The following WRN variants were observed in gnomAD, a reference collection of about 807,000 sequenced individuals.
WRN encodes the protein bifunctional 3'-5' exonuclease/ATP-dependent helicase WRN.
WRN carries 149 observed loss-of-function variants against 180.7 expected under a neutral mutation model. The observed-to-expected ratio is 0.82, with a 90% CI of 0.72 to 0.94. The LOEUF (loss-of-function observed/expected upper bound fraction) is 0.94, where lower values mean the gene tolerates loss of function less well. WRN is among the 40% of genes least tolerant of loss of function. The pLI is 0.00. For missense variants in WRN, 1,661 were observed against 1,700.1 expected (o/e 0.98, Z 0.40); for synonymous variants, 548 against 568.9 (o/e 0.96, Z 0.52).
At chr8:31,122,810 T>C (rs988937989) in intron 21 of WRN, among the ~76,000 whole-genome samples, 37 of 147,270 alleles carry the variant, frequency 2.5e-4, no homozygotes, top group African/African-American at 8.9e-4. Flanking sequence ...CTGAACCAAA[T>C]ACAAGGAAGG....
intron 8 of WRN, among the ~76,000 whole-genome samples, chr8:31,077,286 G>A (rs1813132323): frequency 6.6e-6 from 1 of 152,038 alleles, no homozygotes; most frequent in African/African-American, 2.4e-5. Context: ...TGTTGCCCAG[G>A]CTGGAGTGCA....
chr8:31,104,800 T>C (rs1398127979), intron 18 of WRN, among the ~76,000 whole-genome samples: 1 of 152,188 alleles, frequency 6.6e-6, no homozygotes, highest in Non-Finnish European at 1.5e-5. Flanking sequence ...GAAAGTCATG[T>C]GGGTGTATTT....
chr8:31,126,987 G>A (rs981292603), intron 23 of WRN, among the ~76,000 whole-genome samples: 3 of 152,096 alleles, frequency 2.0e-5, no homozygotes, highest in Admixed American at 2.0e-4. Context: ...AGATGAAATG[G>A]ATCAATTTCT....
At chr8:31,144,718 G>A (rs1054913224) in intron 28 of WRN, among the ~76,000 whole-genome samples, 1 of 152,292 alleles carries the variant, frequency 6.6e-6, no homozygotes, top group Admixed American at 6.5e-5. Context: ...GGCTTAGTGA[G>A]GAAGCCATGT....
chr8:31,155,482 C>T (rs1021839442), intron 32 of WRN, among the ~76,000 whole-genome samples: 5 of 151,760 alleles, frequency 3.3e-5, no homozygotes, highest in African/African-American at 1.2e-4. Context: ...ATTAGCTGGG[C>T]GTAGTGACGC....
At chr8:31,107,636 T>G (rs1323559353) in intron 18 of WRN, among the ~76,000 whole-genome samples, 2 of 152,214 alleles carry the variant, frequency 1.3e-5, no homozygotes, top group Admixed American at 1.3e-4. Flanking sequence ...TTGGTGCTTT[T>G]CTTCTCGTTC....
chr8:31,157,320 A>G (rs1468633860), intron 32 of WRN, 48 bp from the exon 33 acceptor site: 1 of 1,610,212 alleles, frequency 6.2e-7, no homozygotes, highest in African/African-American at 1.3e-5. Context: ...CCATGACTGG[A>G]GTGGACACTT....
chr8:31,116,758 G>A (rs549887948), intron 20 of WRN, among the ~76,000 whole-genome samples: 2 of 152,294 alleles, frequency 1.3e-5, no homozygotes, highest in African/African-American at 2.4e-5. Context: ...GTTGTGTAAT[G>A]GGGGTGGTCC....
At chr8:31,035,060 A>AT (rs368029572) in intron 1 of WRN, among the ~76,000 whole-genome samples, 1 of 151,620 alleles carries the variant, frequency 6.6e-6, no homozygotes, top group East Asian at 1.9e-4. Context: ...ATTTTCTTTT[A>AT]TTTTTTTTCC....
chr8:31,077,837 T>G (rs1813155571), intron 8 of WRN, among the ~76,000 whole-genome samples: 1 of 152,222 alleles, frequency 6.6e-6, no homozygotes, highest in African/African-American at 2.4e-5. Context: ...TGGGTGTCCT[T>G]GGTATCTCTG....
intron 24 of WRN, among the ~76,000 whole-genome samples, chr8:31,136,761 T>C (rs1563373481): frequency 6.6e-6 from 1 of 152,080 alleles, no homozygotes; most frequent in Non-Finnish European, 1.5e-5. Flanking sequence ...CGATTGAATC[T>C]AGGAATTCAG....
rs11574272 is a variant in WRN, at chr8:31,100,693, T to C, written c.1982-156T>C. 0.013 allele frequency among the ~76,000 whole-genome samples: 1,922 copies of C among 152,308 alleles called. 43 individuals are homozygous for C. The highest frequency in any genetic ancestry group is 0.044 in the African/African-American group (1,817 of 41,558). On this transcript the variant is annotated intron_variant, in intron 17 of 34. Transcript: ENST00000298139. Reference sequence around the variant, plus strand: ...TCTCCCCTCTCCCTATTTCCAATAATGATTTTTGGTGTTAATATGATGATA... The same window carrying C: ...TCTCCCCTCTCCCTATTTCCAATAACGATTTTTGGTGTTAATATGATGATA...
intron 1 of WRN, among the ~76,000 whole-genome samples, chr8:31,048,436 G>A (rs1328852343): frequency 6.6e-6 from 1 of 152,032 alleles, no homozygotes; most frequent in Non-Finnish European, 1.5e-5. Flanking sequence ...AACCGTACAG[G>A]AGAATACCTT....
chr8:31,108,567 CA>C (rs952069699), intron 18 of WRN, among the ~76,000 whole-genome samples: 2 of 151,222 alleles, frequency 1.3e-5, no homozygotes, highest in Non-Finnish European at 2.9e-5. Flanking sequence ...GCAGCTTAAT[CA>C]AAGGAAAAAT....
chr8:31,084,388 G>A (rs751006810), intron 10 of WRN, among the ~76,000 whole-genome samples: 2 of 151,876 alleles, frequency 1.3e-5, no homozygotes, highest in Non-Finnish European at 2.9e-5. Flanking sequence ...TTCTTTATTC[G>A]TTAAATAAGA....
At chr8:31,057,321 C>T (rs945805621) in intron 1 of WRN, among the ~76,000 whole-genome samples, 1 of 151,930 alleles carries the variant, frequency 6.6e-6, no homozygotes, top group Non-Finnish European at 1.5e-5. Flanking sequence ...AATCCCAGCA[C>T]TTTGGGAGGC....
At chr8:31,035,223 A>G (rs575292857) in intron 1 of WRN, among the ~76,000 whole-genome samples, 1 of 152,324 alleles carries the variant, frequency 6.6e-6, no homozygotes, top group Admixed American at 6.5e-5. Flanking sequence ...GTAAAATTAT[A>G]GGATGACAGA....
chr8:31,076,300 C>CTTT lies in WRN; in HGVS notation c.839+23_839+25dup. ...AAAACCCACGGAGGTTAAATATTAC[C>CTTT]TTTTTTTTTTTTAACTTAAATCAAT... On this transcript the variant is annotated intron_variant, in intron 8 of 34. Coordinates refer to ENST00000298139, the MANE Select transcript of WRN (RefSeq NM_000553.6). The CTTT allele has an allele frequency of 2.9e-6, 4 of 1,359,560 alleles. No individual in the cohort carries two copies. Among genetic ancestry groups the CTTT allele is most frequent in the Non-Finnish European group, 4.1e-6 (4 of 977,052 alleles). The allele number at this position is 1,359,560 out of a possible 1,614,324, so 84.2% of individuals were successfully genotyped here. A position where few individuals can be genotyped will look rare whatever the true frequency, so the allele number is the denominator to read the frequency against.
intron 28 of WRN, among the ~76,000 whole-genome samples, chr8:31,144,027 C>G (rs1802765258): frequency 6.6e-6 from 1 of 152,170 alleles, no homozygotes; most frequent in Non-Finnish European, 1.5e-5. Context: ...CCTCTAGCAT[C>G]AAGACACTAT....
Sources: gnomAD v4.1 joint callset for allele counts (sites outside exome capture counted in the v4.1 genomes callset) on GRCh38, gnomAD v4.1.1 for gene constraint, MANE v1.5 for transcripts, NCBI Gene and HGNC (gene_info 2026-07-23, HGNC 2026-07-21) for gene names.